The following CLSTN1 variants were observed in gnomAD, a reference collection of about 807,000 sequenced individuals.
The protein encoded by CLSTN1 is calsyntenin 1, also known as calsyntenin-1.
CLSTN1 carries 28 observed loss-of-function variants against 108.3 expected under a neutral mutation model. That is an observed-to-expected ratio of 0.26 (90% CI 0.19 to 0.35). The LOEUF is 0.35. Ranked by LOEUF, CLSTN1 falls within the 10% of genes least tolerant of loss-of-function variation. CLSTN1 has a pLI of 1.00. For synonymous variants in CLSTN1, 524 were observed against 534.9 expected, an observed-to-expected ratio of 0.98 and a Z score of 0.28; for missense variants, 1,157 against 1,302.6, an observed-to-expected ratio of 0.89 and a Z score of 1.72.
intron 1 of CLSTN1, among the ~76,000 whole-genome samples, chr1:9,821,530 T>C (rs575459927): frequency 1.3e-5 from 2 of 152,346 alleles, no homozygotes; most frequent in African/African-American, 4.8e-5. Context: ...TTAGAAAATC[T>C]ATCATTTTCT....
chr1:9,794,272 C>CAGA (rs1432390018), intron 1 of CLSTN1, among the ~76,000 whole-genome samples: 5 of 151,462 alleles, frequency 3.3e-5, no homozygotes, highest in Non-Finnish European at 7.3e-5. Context: ...AAACCACTAT[C>CAGA]AGAACATTTC....
intron 1 of CLSTN1, among the ~76,000 whole-genome samples, chr1:9,779,644 G>A (rs879381933): frequency 5.9e-5 from 9 of 152,136 alleles, no homozygotes; most frequent in Non-Finnish European, 1.2e-4. Flanking sequence ...CCACGCTGGT[G>A]TCAAACTCCT....
At chr1:9,776,217 C>A (rs779683620) in intron 1 of CLSTN1, among the ~76,000 whole-genome samples, 6 of 151,910 alleles carry the variant, frequency 3.9e-5, no homozygotes, top group Non-Finnish European at 1.5e-5. Flanking sequence ...TTCCGCCCAC[C>A]TCGCCTCCCA....
intron 7 of CLSTN1, among the ~76,000 whole-genome samples, chr1:9,748,009 A>G (rs1370808076): frequency 6.6e-6 from 1 of 151,162 alleles, no homozygotes; most frequent in Non-Finnish European, 1.5e-5. Context: ...GCGCCACTGC[A>G]CTCCAGCCTG....
At chr1:9,804,037 A>T (rs1398309719) in intron 1 of CLSTN1, among the ~76,000 whole-genome samples, 2 of 152,060 alleles carry the variant, frequency 1.3e-5, no homozygotes, top group African/African-American at 4.8e-5. Context: ...ACGTTTACTT[A>T]TATTTTTGTA....
At chr1:9,748,480 C>A (rs1011121084) in intron 7 of CLSTN1, among the ~76,000 whole-genome samples, 2 of 151,970 alleles carry the variant, frequency 1.3e-5, no homozygotes, top group African/African-American at 4.8e-5. Flanking sequence ...TATTGTATTA[C>A]CTATATTTTT....
In CLSTN1 at chr1:9,735,502, G is replaced by A. The variant is rs146580293; in HGVS notation, c.1848C>T (p.Pro616=). The stretch of plus-strand genomic sequence containing the variant: ...TGGTGATTTTGAGTCTGCGAATTCC[G>A]GGCGTGGGGAACTGCCGGGAGTTCA... ...SYLNSRQFPT[P]GIRRLKITST... The change falls in exon 13 of 19, where the codon CCC becomes CCT. Residue 616 remains proline, a synonymous_variant. Coordinates refer to ENST00000377298, the MANE Select transcript of CLSTN1 (RefSeq NM_001009566.3). The A allele has an allele frequency of 2.4e-4, 382 of 1,614,026 alleles. No individual in the cohort carries two copies. The highest frequency in any genetic ancestry group is 3.1e-4 in the Non-Finnish European group (367 of 1,180,034).
chr1:9,790,280 TAGATGTTATTTATCAAATTGAG>T (rs1419146380), intron 1 of CLSTN1, among the ~76,000 whole-genome samples: 6 of 151,420 alleles, frequency 4.0e-5, no homozygotes, highest in Non-Finnish European at 8.8e-5. Context: ...TAGGTTTTCG[TAGATGTTATTTATCAAATTGAG>T]AGAGAGCCCC....
chr1:9,763,525 C>T (rs569859504), intron 2 of CLSTN1, among the ~76,000 whole-genome samples: 1 of 152,244 alleles, frequency 6.6e-6, no homozygotes, highest in Admixed American at 6.5e-5. Flanking sequence ...GAAGGTGGCC[C>T]ATTGGGGGTT....
chr1:9,796,269 A>G, intron 1 of CLSTN1, among the ~76,000 whole-genome samples: 1 of 136,262 alleles, frequency 7.3e-6, no homozygotes, highest in South Asian at 2.3e-4. Context: ...CCAAAAACAA[A>G]AAAAAAAACA....
intron 16 of CLSTN1, among the ~76,000 whole-genome samples, chr1:9,732,902 T>C (rs1650483776): frequency 6.6e-6 from 1 of 152,206 alleles, no homozygotes; most frequent in African/African-American, 2.4e-5. Context: ...TCTAAAACAG[T>C]GTCTTTGGCT....
intron 2 of CLSTN1, among the ~76,000 whole-genome samples, chr1:9,758,753 T>G (rs991291576): frequency 6.6e-6 from 1 of 152,132 alleles, no homozygotes; most frequent in African/African-American, 2.4e-5. Flanking sequence ...CTTAAAACAT[T>G]GCCTGGCGGA....
At chr1:9,777,448 G>A (rs750861339) in intron 1 of CLSTN1, among the ~76,000 whole-genome samples, 4 of 151,692 alleles carry the variant, frequency 2.6e-5, no homozygotes, top group African/African-American at 7.3e-5. Context: ...ACTTGAAACC[G>A]GGAGGTAAAG....
intron 9 of CLSTN1, among the ~76,000 whole-genome samples, chr1:9,741,811 C>T (rs1353392526): frequency 1.3e-5 from 2 of 152,132 alleles, no homozygotes; most frequent in Non-Finnish European, 2.9e-5. Flanking sequence ...ACTTGGGAGG[C>T]TGAGGCACAA....
chr1:9,757,062 G>A (rs1446469825), intron 2 of CLSTN1, among the ~76,000 whole-genome samples: 1 of 151,714 alleles, frequency 6.6e-6, no homozygotes, highest in Non-Finnish European at 1.5e-5. Flanking sequence ...ACAGGAGTGA[G>A]CCCCCGTGCC....
intron 2 of CLSTN1, among the ~76,000 whole-genome samples, chr1:9,772,895 C>G (rs1364197194): frequency 6.6e-6 from 1 of 152,174 alleles, no homozygotes; most frequent in Non-Finnish European, 1.5e-5. Flanking sequence ...ACCAGCAACA[C>G]CAGCAGTACC....
chr1:9,751,274 C>A (rs993010548), intron 5 of CLSTN1, among the ~76,000 whole-genome samples, 199 bp downstream of exon 5: 4 of 152,090 alleles, frequency 2.6e-5, no homozygotes, highest in Admixed American at 1.3e-4. Context: ...ACAGGACTTA[C>A]AGGTTCCAGA....
chr1:9,732,244 G>C (rs1650442660), intron 16 of CLSTN1, among the ~76,000 whole-genome samples: 1 of 152,152 alleles, frequency 6.6e-6, no homozygotes, highest in Admixed American at 6.5e-5. Flanking sequence ...CTGGAGCGCA[G>C]TAGCTATTCA....
chr1:9,734,902 G>A lies in CLSTN1; in HGVS notation c.2110+46C>T, dbSNP rs1353889906. On this transcript the variant is annotated intron_variant, in intron 14 of 18. Coordinates refer to ENST00000377298, the MANE Select transcript of CLSTN1 (RefSeq NM_001009566.3). The surrounding 1 kb of genome is among the most constrained non-coding windows in gnomAD (Gnocchi z 4.8). The stretch of plus-strand genomic sequence containing the variant: ...CCGCCAAGTACATGGGGACAATGGG[G>A]TTTCCGGCCGAGGCGAGGGAGCCCG... The A allele has an allele frequency of 6.5e-7, 1 of 1,531,890 alleles. No homozygotes were observed. The highest frequency in any genetic ancestry group is 1.1e-5 in the South Asian group (1 of 89,482). The allele number at this position is 1,531,890 out of a possible 1,614,324, so 94.9% of individuals were successfully genotyped here. A position where few individuals can be genotyped will look rare whatever the true frequency, so the allele number is the denominator to read the frequency against.
Sources: gnomAD v4.1 joint callset for allele counts (sites outside exome capture counted in the v4.1 genomes callset) on GRCh38, gnomAD v4.1.1 for gene constraint, Gnocchi (gnomAD v3.1) non-coding constraint, MANE v1.5 for transcripts, NCBI Gene and HGNC (gene_info 2026-07-23, HGNC 2026-07-21) for gene names.